ABCC1: variants seen among roughly 807,000 people sequenced by gnomAD.
ABCC1 encodes ATP binding cassette subfamily C member 1 (ABCC1 blood group).
In ABCC1, 83 loss-of-function variants were observed where a neutral mutation model predicts 172.9. The ratio of observed to expected loss-of-function variants is 0.48; its 90% CI spans 0.40 to 0.58. The LOEUF is 0.58. ABCC1 is among the 20% of genes least tolerant of loss of function. The probability of loss-of-function intolerance (pLI) is 0.00; values close to 1 mark genes in which losing one functional copy is unlikely to be tolerated. For missense variants in ABCC1, 1,817 were observed against 2,002.7 expected, an observed-to-expected ratio of 0.91 and a Z score of 1.77; for synonymous variants, 937 against 825.2, an observed-to-expected ratio of 1.14 and a Z score of -2.32.
intron 1 of ABCC1, among the ~76,000 whole-genome samples, chr16:15,967,042 G>A (rs2046259234): frequency 6.6e-6 from 1 of 152,058 alleles, no homozygotes; most frequent in Admixed American, 6.6e-5. Flanking sequence ...TGAGATCCGT[G>A]GAGTGAGCCG....
intron 1 of ABCC1, among the ~76,000 whole-genome samples, chr16:15,956,076 C>T (rs1367182417): frequency 1.3e-5 from 2 of 151,424 alleles, no homozygotes; most frequent in African/African-American, 2.4e-5. Context: ...GGTGAAAGCC[C>T]ATCTCTACAA....
At chr16:16,140,781 T>C (rs1277650834) in intron 30 of ABCC1, among the ~76,000 whole-genome samples, 3 of 152,254 alleles carry the variant, frequency 2.0e-5, no homozygotes, top group African/African-American at 4.8e-5. Context: ...TGCGTAGTTG[T>C]AACAGAAAGC....
chr16:15,998,397 G>A (rs1413600724), intron 1 of ABCC1, among the ~76,000 whole-genome samples: 1 of 152,210 alleles, frequency 6.6e-6, no homozygotes, highest in Non-Finnish European at 1.5e-5. Context: ...AAAGTGCTGG[G>A]TTTACAGGCG....
chr16:16,090,983 G>C (rs2051229420), intron 19 of ABCC1, among the ~76,000 whole-genome samples: 1 of 152,128 alleles, frequency 6.6e-6, no homozygotes, highest in African/African-American at 2.4e-5. Flanking sequence ...CACAAGAGAT[G>C]TGAGGGTTGT....
intron 19 of ABCC1, chr16:16,098,824 G>A (rs1253873605): frequency 7.4e-7 from 1 of 1,345,948 alleles, no homozygotes; most frequent in African/African-American, 1.5e-5. Flanking sequence ...CTTAGGGCGG[G>A]AGTTTCGCTT....
chr16:16,131,836 G>C lies in ABCC1; in HGVS notation c.3867G>C (p.Gln1289His), dbSNP rs202073454. The change falls in exon 27 of 31, where the codon CAG becomes CAC. Residue 1289 changes from glutamine to histidine, a missense_variant. Gln to His is a conservative substitution (Grantham distance 24). Coordinates refer to ENST00000399410, the MANE Select transcript of ABCC1 (RefSeq NM_004996.4). The stretch of plus-strand genomic sequence containing the variant: ...CAGCTCCGCCCAGCAGCTGGCCCCA[G>C]GTGGGCCGAGTGGAATTCCGGAACT... ...QETAPPSSWP[Q>H]VGRVEFRNYC... 4.3e-6 allele frequency: 7 copies of C among 1,614,200 alleles called. No homozygotes were observed. Among genetic ancestry groups the C allele is most frequent in the Non-Finnish European group, 5.9e-6 (7 of 1,180,024 alleles).
chr16:16,123,814 C>T (rs2045277709), intron 24 of ABCC1, among the ~76,000 whole-genome samples: 1 of 152,100 alleles, frequency 6.6e-6, no homozygotes, highest in Admixed American at 6.6e-5. Context: ...CAGTTCGAGA[C>T]CAGCCTGGGC....
intron 5 of ABCC1, among the ~76,000 whole-genome samples, chr16:16,026,488 T>TG (rs2048379205): frequency 7.7e-6 from 1 of 130,662 alleles, no homozygotes; most frequent in Non-Finnish European, 1.6e-5. Flanking sequence ...TTTTTTTTTT[T>TG]GCCAGTGAAG....
rs1257948636 is a variant in ABCC1 at position 16,076,320 on chromosome 16, T to G, written c.1913-6T>G. ...CCTGTCCCTGACATGTCTCTGTGCT[T>G]TGTAGGCGGGGGCACGAACAGCATC... On this transcript the variant is annotated splice_region_variant and splice_polypyrimidine_tract_variant and intron_variant, in intron 14 of 30. Transcript: ENST00000399410. 5 of 1,612,392 alleles carry G rather than the reference T, an allele frequency of 3.1e-6. No individual in the cohort carries two copies. The highest frequency in any genetic ancestry group is 4.2e-6 in the Non-Finnish European group (5 of 1,179,320).
Position 16,114,859 on chromosome 16 carries a change from G to C in ABCC1, c.3173G>C (p.Arg1058Pro). The C allele has an allele frequency of 6.2e-7, 1 of 1,613,852 alleles. No individual in the cohort carries two copies. The change falls in exon 23 of 31, where the codon CGG (arginine) becomes CCG (proline). Residue 1058 changes from arginine to proline, a missense_variant. Transcript: ENST00000399410. ...LHVDLLHSIL[R>P]SPMSFFERTP... is the part of the protein sequence containing the mutation. ...GTGGACCTGCTGCACAGCATCCTGC[G>C]GTCACCCATGAGCTTCTTTGAGCGG...
chr16:16,044,312 G>C, intron 7 of ABCC1, 138 bp from the exon 8 acceptor site: 1 of 762,598 alleles, frequency 1.3e-6, no homozygotes, highest in Non-Finnish European at 2.2e-6. Flanking sequence ...TAACCACTGT[G>C]CTGAGCTGCC....
intron 1 of ABCC1, among the ~76,000 whole-genome samples, chr16:15,978,781 G>A (rs1442928839): frequency 2.6e-5 from 4 of 152,104 alleles, no homozygotes; most frequent in Non-Finnish European, 5.9e-5. Flanking sequence ...GCCTCTCAGA[G>A]GACGTTCATT....
chr16:16,073,812 A>G (rs1418838159), intron 14 of ABCC1, among the ~76,000 whole-genome samples: 1 of 152,226 alleles, frequency 6.6e-6, no homozygotes, highest in Non-Finnish European at 1.5e-5. Flanking sequence ...GTGGCTACCC[A>G]GGTACGAAGT....
chr16:16,015,149 T>TTG (rs2047948359), intron 4 of ABCC1, among the ~76,000 whole-genome samples: 1 of 150,514 alleles, frequency 6.6e-6, no homozygotes, highest in Non-Finnish European at 1.5e-5. Context: ...TTTTTTTTTT[T>TTG]GCTGTTGTTG....
rs1487777584 is a variant in ABCC1, at chr16:16,114,812, C to T, written c.3126C>T (p.Ile1042=). The change falls in exon 23 of 31, where the codon ATC becomes ATT. Residue 1042 remains isoleucine, a synonymous_variant. Coordinates refer to ENST00000399410, the MANE Select transcript of ABCC1 (RefSeq NM_004996.4). Reference sequence around the variant, plus strand: ...CCATGGCCGTGTCCATCGGGGGGATCTTGGCTTCCCGCTGTCTGCACGTGG... The same window carrying T: ...CCATGGCCGTGTCCATCGGGGGGATTTTGGCTTCCCGCTGTCTGCACGTGG... The part of the protein sequence containing the change: ...GYSMAVSIGG[I]LASRCLHVDL... 2 of 1,608,908 alleles carry T rather than the reference C, an allele frequency of 1.2e-6. No homozygotes were observed. The highest frequency in any genetic ancestry group is 1.7e-6 in the Non-Finnish European group (2 of 1,175,588).
chr16:15,988,600 A>C (rs947221533), intron 1 of ABCC1, among the ~76,000 whole-genome samples: 2 of 152,168 alleles, frequency 1.3e-5, no homozygotes, highest in African/African-American at 4.8e-5. Flanking sequence ...GGTTGGATGG[A>C]GAAAACGAGG....
At position 16,121,319 on chromosome 16, in the gene ABCC1, A is replaced by G. The variant is rs571281889; in HGVS notation, c.3391-656A>G. Among the ~76,000 whole-genome samples, 6 of 152,348 alleles carry G rather than the reference A, an allele frequency of 3.9e-5. No homozygotes were observed. In the South Asian group the frequency reaches 1.2e-3, roughly 32 times the overall value. Reference sequence around the variant, plus strand: ...TGCCTCCTGAAGTGCGGGTATTACAAGCATGAGCCACCCCACCTGGCCGAG... The same window carrying G: ...TGCCTCCTGAAGTGCGGGTATTACAGGCATGAGCCACCCCACCTGGCCGAG... On this transcript the variant is annotated intron_variant, in intron 23 of 30. Coordinates refer to ENST00000399410, the MANE Select transcript of ABCC1 (RefSeq NM_004996.4).
At chr16:15,976,256 A>G (rs8047359) in intron 1 of ABCC1, among the ~76,000 whole-genome samples, 8 of 152,146 alleles carry the variant, frequency 5.3e-5, no homozygotes, top group Admixed American at 5.2e-4. Context: ...AGCAAGAGCA[A>G]AACTCTGTCT....
chr16:16,104,169 G>A (rs1469699816), intron 20 of ABCC1, among the ~76,000 whole-genome samples: 3 of 152,172 alleles, frequency 2.0e-5, no homozygotes, highest in Non-Finnish European at 4.4e-5. Flanking sequence ...GCAGCAGAAA[G>A]ATTTATCGCA....
Sources: gnomAD v4.1 joint callset for allele counts (sites outside exome capture counted in the v4.1 genomes callset) on GRCh38, gnomAD v4.1.1 for gene constraint, MANE v1.5 for transcripts, NCBI Gene and HGNC (gene_info 2026-07-23, HGNC 2026-07-21) for gene names.